The following VWF variants were observed in gnomAD, a reference collection of about 807,000 sequenced individuals.
The protein encoded by VWF is Factor VIII related antigen.
A neutral mutation model predicts 308.6 loss-of-function variants in VWF; 176 were observed. That is an observed-to-expected ratio of 0.57 (90% CI 0.50 to 0.65). The LOEUF (loss-of-function observed/expected upper bound fraction) is 0.65. Among genes scored for constraint, VWF ranks in the 30% least tolerant of loss-of-function variants. The pLI, the probability that VWF is intolerant of heterozygous loss-of-function variation, is 0.00. For synonymous variants in VWF, 1,385 were observed against 1,443.4 expected, an observed-to-expected ratio of 0.96 and a Z score of 0.92; for missense variants, 3,146 against 3,648.2, an observed-to-expected ratio of 0.86 and a Z score of 3.55.
chr12:6,078,185 G>A (rs1367233159), intron 6 of VWF, among the ~76,000 whole-genome samples: 1 of 152,112 alleles, frequency 6.6e-6, no homozygotes, highest in African/African-American at 2.4e-5. Flanking sequence ...ATCACCCTGG[G>A]CTATACTGAG....
intron 3 of VWF, among the ~76,000 whole-genome samples, chr12:6,111,732 C>T (rs1244479287): frequency 4.7e-5 from 7 of 150,348 alleles, no homozygotes; most frequent in South Asian, 2.1e-4. Context: ...GGGTGGATCA[C>T]GAGGTCAGGA....
At chr12:5,959,370 T>C (rs1943285622) in intron 47 of VWF, among the ~76,000 whole-genome samples, 1 of 152,130 alleles carries the variant, frequency 6.6e-6, no homozygotes, top group Admixed American at 6.5e-5. Context: ...ATCCACAATC[T>C]TAGTCAGTGA....
chr12:6,012,285 T>TG (rs1944006011), intron 32 of VWF, among the ~76,000 whole-genome samples, 155 bp from the exon 33 acceptor site: 1 of 152,272 alleles, frequency 6.6e-6, no homozygotes, highest in Non-Finnish European at 1.5e-5. Flanking sequence ...CATAGGGACA[T>TG]GAGGCTGAGG....
chr12:6,121,268 G>A lies in VWF; in HGVS notation c.126C>T (p.Phe42=), dbSNP rs200710351. Reference sequence around the variant, plus strand: ...ACATGCTCCCATCAAAGGTGTTGACGAAGTCACTTCCGAAAAGGCTGCATC... The same window carrying A: ...ACATGCTCCCATCAAAGGTGTTGACAAAGTCACTTCCGAAAAGGCTGCATC... ...TARCSLFGSD[F]VNTFDGSMYS... The change falls in exon 3 of 52, where the codon TTC becomes TTT. Residue 42 remains phenylalanine (F), a synonymous_variant. Coordinates refer to ENST00000261405, the MANE Select transcript of VWF (RefSeq NM_000552.5). The A allele has an allele frequency of 1.3e-5, 21 of 1,614,114 alleles. No individual in the cohort carries two copies. Among genetic ancestry groups the A allele is most frequent in the South Asian group, 2.2e-5 (2 of 91,088 alleles).
At chr12:6,097,186 C>T (rs1359933340) in intron 5 of VWF, among the ~76,000 whole-genome samples, 1 of 152,022 alleles carries the variant, frequency 6.6e-6, no homozygotes, top group Admixed American at 6.6e-5. Flanking sequence ...ACCTGTAATC[C>T]AGCACTTTGG....
intron 46 of VWF, 81 bp downstream of exon 46, chr12:5,968,046 A>G: frequency 1.9e-6 from 3 of 1,590,628 alleles, no homozygotes; most frequent in Admixed American, 1.7e-5. Context: ...TCTGCTTTAC[A>G]ATGACTTGCC....
In VWF at chr12:5,983,979, GATAGATA is replaced by G. The variant is rs1348559607; in HGVS notation, c.6977-732_6977-726del. ...CATAGGATGGATGGATAGATGGATA[GATAGATA>G]GATAGATAGATAGATAGATAGATAG... On this transcript the variant is annotated intron_variant, in intron 40 of 51. Coordinates refer to ENST00000261405, the MANE Select transcript of VWF (RefSeq NM_000552.5). 3.2e-3 allele frequency among the ~76,000 whole-genome samples: 313 copies of G among 98,296 alleles called. 1 individual carries two copies. The highest frequency in any genetic ancestry group is 5.2e-3 in the Non-Finnish European group (251 of 47,900). 64.5% of individuals were successfully genotyped at this position (98,296 alleles called of 152,430 possible).
At chr12:6,053,686 T>C (rs2283333) in intron 15 of VWF, among the ~76,000 whole-genome samples, 134,614 of 152,256 alleles carry the variant, frequency 0.88, 59,620 homozygotes, top group Middle Eastern at 0.91. Context: ...GGCTGTGTGA[T>C]CTTGGGCAGT....
At chr12:6,042,200 T>A (rs12366887) in intron 18 of VWF, among the ~76,000 whole-genome samples, 5,999 of 152,244 alleles carry the variant, frequency 0.039, 144 homozygotes, top group Middle Eastern at 0.068. Flanking sequence ...CTGCTCTTTC[T>A]GCCCCCCGCA....
intron 34 of VWF, among the ~76,000 whole-genome samples, chr12:5,998,932 T>G (rs1943842186): frequency 6.6e-6 from 1 of 152,218 alleles, no homozygotes; most frequent in South Asian, 2.1e-4. Context: ...TTTCACCATG[T>G]TGGCCAGGCT....
In VWF at chr12:6,024,945, C is replaced by A. The variant is rs535502609; in HGVS notation, c.3222+635G>T. On this transcript the variant is annotated intron_variant, in intron 24 of 51. Coordinates refer to ENST00000261405, the MANE Select transcript of VWF (RefSeq NM_000552.5). This position sits in a 1 kb window ranked among gnomAD's most constrained non-coding sequence, Gnocchi z 4.0. The stretch of plus-strand genomic sequence containing the variant: ...GGTTGAGGCAGGAGAATCGCTTGAG[C>A]CCAGGAGGCAGAGGCTGCACTAAGC... Among the ~76,000 whole-genome samples, 18 of 151,630 alleles carry A rather than the reference C, an allele frequency of 1.2e-4. No individual in the cohort carries two copies. The highest frequency in any genetic ancestry group is 4.1e-4 in the African/African-American group (17 of 41,246).
Position 6,024,418 on chromosome 12 carries a change from A to G in VWF, c.3223-631T>C, listed in dbSNP as rs1438983834. ...AGACACTGAGTGGGTCATTGTTTCC[A>G]AGACGTTCCAACAGTCTCAATGTCC... On this transcript the variant is annotated intron_variant, in intron 24 of 51. Coordinates refer to ENST00000261405, the MANE Select transcript of VWF (RefSeq NM_000552.5). This position sits in a 1 kb window ranked among gnomAD's most constrained non-coding sequence, Gnocchi z 4.0. Among the ~76,000 whole-genome samples the G allele has an allele frequency of 2.0e-5, 3 of 152,242 alleles. No homozygotes were observed. Among genetic ancestry groups the G allele is most frequent in the Non-Finnish European group, 4.4e-5 (3 of 68,054 alleles).
chr12:5,984,470 C>A (rs1415247835), intron 40 of VWF, among the ~76,000 whole-genome samples: 1 of 152,248 alleles, frequency 6.6e-6, no homozygotes, highest in African/African-American at 2.4e-5. Flanking sequence ...TGCATCACTG[C>A]AAATTGTACA....
chr12:6,012,642 C>A (rs58073482), intron 32 of VWF, among the ~76,000 whole-genome samples: 1 of 149,658 alleles, frequency 6.7e-6, no homozygotes, highest in Non-Finnish European at 1.5e-5. Context: ...CATCTAGTAA[C>A]GGGAAAATAT....
intron 34 of VWF, among the ~76,000 whole-genome samples, chr12:5,998,517 A>G (rs1320019975): frequency 1.6e-5 from 2 of 126,918 alleles, no homozygotes; most frequent in African/African-American, 6.1e-5. Flanking sequence ...ATATATATAT[A>G]TATATATATA....
rs560572872 is a variant in VWF, at chr12:6,062,823, C to T, written c.1533+131G>A. The stretch of plus-strand genomic sequence containing the variant: ...TCATAAACAAGAGAGGCCTGTTTCT[C>T]GCTCTGGGGGTGTAGGCCATGAGGA... On this transcript the variant is annotated intron_variant, in intron 13 of 51. Coordinates refer to ENST00000261405, the MANE Select transcript of VWF (RefSeq NM_000552.5). 194 of 738,842 alleles carry T rather than the reference C, an allele frequency of 2.6e-4. 1 individual carries two copies. Among genetic ancestry groups the T allele is most frequent in the African/African-American group, 8.1e-4 (47 of 57,742 alleles). 45.8% of individuals were successfully genotyped at this position (738,842 alleles called of 1,614,324 possible). A position where few individuals can be genotyped will look rare whatever the true frequency, so the allele number is the denominator to read the frequency against.
chr12:6,028,418 A>C (rs1944219382), intron 22 of VWF, among the ~76,000 whole-genome samples: 1 of 152,202 alleles, frequency 6.6e-6, no homozygotes. Context: ...AACACCACAA[A>C]GATACTCCTC....
chr12:6,037,733 C>T (rs937929456), intron 18 of VWF, among the ~76,000 whole-genome samples: 4 of 152,046 alleles, frequency 2.6e-5, no homozygotes, highest in South Asian at 2.1e-4. Flanking sequence ...CCCTGCAGGG[C>T]GAGAAGCTCC....
chr12:5,980,201 ACGT>A (rs1420302041), intron 42 of VWF, among the ~76,000 whole-genome samples: 1 of 42,062 alleles, frequency 2.4e-5, no homozygotes, highest in Non-Finnish European at 4.6e-5. Flanking sequence ...GAAGGAAGTG[ACGT>A]AGGTAGGTAG....
Sources: gnomAD v4.1 joint callset for allele counts (sites outside exome capture counted in the v4.1 genomes callset) on GRCh38, gnomAD v4.1.1 for gene constraint, Gnocchi (gnomAD v3.1) non-coding constraint, MANE v1.5 for transcripts, NCBI Gene and HGNC (gene_info 2026-07-23, HGNC 2026-07-21) for gene names.